The following CSMD1 variants were observed in gnomAD, a reference collection of about 807,000 sequenced individuals.
CSMD1 encodes the protein CUB and Sushi multiple domains 1, also known as CUB and sushi domain-containing protein 1.
A neutral mutation model predicts 417.5 loss-of-function variants in CSMD1; 213 were observed. The ratio of observed to expected loss-of-function variants is 0.51; its 90% CI spans 0.46 to 0.57. The LOEUF (loss-of-function observed/expected upper bound fraction) is 0.57, where lower values mean the gene tolerates loss of function less well. CSMD1 is among the 20% of genes least tolerant of loss of function. The pLI, the probability that CSMD1 is intolerant of heterozygous loss-of-function variation, is 0.00. For synonymous variants in CSMD1, 2,862 were observed against 1,736.8 expected, an observed-to-expected ratio of 1.65 and a Z score of -16.11; for missense variants, 6,923 against 4,529.7, an observed-to-expected ratio of 1.53 and a Z score of -15.17.
intron 26 of CSMD1, among the ~76,000 whole-genome samples, chr8:3,262,054 T>C (rs1343214986): frequency 6.6e-6 from 1 of 151,802 alleles, no homozygotes; most frequent in African/African-American, 2.4e-5. Flanking sequence ...TCTAAGTGGA[T>C]CTATGATTAC....
chr8:3,505,706 T>C (rs1405595532), intron 10 of CSMD1, among the ~76,000 whole-genome samples: 4 of 152,196 alleles, frequency 2.6e-5, no homozygotes, highest in Admixed American at 6.5e-5. Context: ...AACAACACTA[T>C]GAGCACTGGA....
intron 49 of CSMD1, among the ~76,000 whole-genome samples, chr8:3,074,799 T>A (rs1317911234): frequency 6.6e-6 from 1 of 152,224 alleles, no homozygotes; most frequent in Non-Finnish European, 1.5e-5. Context: ...GTATGCCATA[T>A]CATGGAAAGT....
At chr8:3,878,562 G>C (rs1011408756) in intron 5 of CSMD1, among the ~76,000 whole-genome samples, 16 of 152,088 alleles carry the variant, frequency 1.1e-4, no homozygotes, top group African/African-American at 3.4e-4. Flanking sequence ...AGGAAGTATA[G>C]AAAAAATTGC....
chr8:3,260,761 A>G (rs1451518508), intron 26 of CSMD1, among the ~76,000 whole-genome samples: 2 of 152,216 alleles, frequency 1.3e-5, no homozygotes, highest in Non-Finnish European at 2.9e-5. Context: ...ACTTGACAAC[A>G]GAAGCACAAT....
chr8:3,264,236 G>T (rs985059988), intron 26 of CSMD1, among the ~76,000 whole-genome samples: 5 of 152,150 alleles, frequency 3.3e-5, no homozygotes, highest in African/African-American at 1.2e-4. Flanking sequence ...CATTCTCTGC[G>T]AATTCACCAG....
chr8:3,538,288 T>TA (rs1798287848), intron 10 of CSMD1, among the ~76,000 whole-genome samples: 1 of 150,112 alleles, frequency 6.7e-6, no homozygotes, highest in African/African-American at 2.5e-5. Context: ...GTGCACCTGA[T>TA]ATGCTTCACC....
chr8:3,426,570 A>C (rs1813855511), intron 12 of CSMD1, among the ~76,000 whole-genome samples: 1 of 152,186 alleles, frequency 6.6e-6, no homozygotes, highest in South Asian at 2.1e-4. Context: ...GGACAGATGA[A>C]GATACAAGGC....
At chr8:3,796,605 T>C (rs967392108) in intron 5 of CSMD1, among the ~76,000 whole-genome samples, 1 of 147,566 alleles carries the variant, frequency 6.8e-6, no homozygotes, top group African/African-American at 2.5e-5. Flanking sequence ...ATATCTATAA[T>C]GTATAGATGT....
intron 10 of CSMD1, among the ~76,000 whole-genome samples, chr8:3,563,359 G>A (rs556086310): frequency 3.6e-5 from 5 of 138,608 alleles, no homozygotes; most frequent in African/African-American, 1.1e-4. Context: ...CATTACTATT[G>A]TATTTAAGTA....
intron 1 of CSMD1, among the ~76,000 whole-genome samples, chr8:4,962,880 A>C (rs1356786445): frequency 2.0e-5 from 3 of 152,220 alleles, no homozygotes; most frequent in Non-Finnish European, 4.4e-5. Flanking sequence ...CTGCCACTTA[A>C]TTCCTGTAAA....
Position 2,954,238 on chromosome 8 carries a change from A to T in CSMD1, c.10025T>A (p.Val3342Asp). The T allele has an allele frequency of 6.7e-7, 1 of 1,502,972 alleles. No individual in the cohort carries two copies. Among genetic ancestry groups the T allele is most frequent in the South Asian group, 1.2e-5 (1 of 80,368 alleles). 93.1% of individuals were successfully genotyped at this position (1,502,972 alleles called of 1,614,324 possible). A position where few individuals can be genotyped will look rare whatever the true frequency, so the allele number is the denominator to read the frequency against. Residue 3342 changes from valine (V) to aspartate (D), a missense_variant, in exon 65 of 70, where the codon GTT becomes GAT. Coordinates refer to ENST00000635120, the MANE Select transcript of CSMD1 (RefSeq NM_033225.6). ...GGTATACAAACCTGGAGTTTTAGTAACTGTTTCATTAACTTCTCTCACTCC... is the reference window on the plus strand; with the variant it reads ...GGTATACAAACCTGGAGTTTTAGTATCTGTTTCATTAACTTCTCTCACTCC... ...SKGVREVNET[V>D]TKTPVPSDVF... is the part of the protein sequence containing the mutation.
chr8:3,805,705 A>G (rs1352871149), intron 5 of CSMD1, among the ~76,000 whole-genome samples: 1 of 151,886 alleles, frequency 6.6e-6, no homozygotes, highest in Non-Finnish European at 1.5e-5. Context: ...ATTCTTTCCT[A>G]TCTTTCTTCT....
intron 7 of CSMD1, among the ~76,000 whole-genome samples, chr8:3,664,069 A>G (rs1798556962): frequency 6.6e-6 from 1 of 152,170 alleles, no homozygotes; most frequent in Admixed American, 6.5e-5. Flanking sequence ...TCTAGGGTAC[A>G]TGTGCACAAT....
chr8:3,842,295 T>G (rs965717759), intron 5 of CSMD1, among the ~76,000 whole-genome samples: 1 of 152,130 alleles, frequency 6.6e-6, no homozygotes, highest in Non-Finnish European at 1.5e-5. Flanking sequence ...TCTTTCACTT[T>G]TCATTCCAGT....
intron 2 of CSMD1, among the ~76,000 whole-genome samples, chr8:4,534,699 G>A (rs957045761): frequency 3.3e-5 from 5 of 152,042 alleles, no homozygotes; most frequent in African/African-American, 9.6e-5. Flanking sequence ...TTTGGTATTC[G>A]GTCCCTGTGT....
rs115956550 is a variant in CSMD1, at chr8:4,448,034, G to A, written c.303-27969C>T. Reference sequence around the variant, plus strand: ...AAAACTAAAAAACTAAAGTGGTTCCGCATGAGGTTTCCTGGAATATCACCC... The same window carrying A: ...AAAACTAAAAAACTAAAGTGGTTCCACATGAGGTTTCCTGGAATATCACCC... On this transcript the variant is annotated intron_variant, in intron 2 of 69. Transcript: ENST00000635120. Among the ~76,000 whole-genome samples the A allele has an allele frequency of 1.6e-3, 236 of 152,246 alleles. 1 individual carries two copies. Among genetic ancestry groups the A allele is most frequent in the African/African-American group, 5.4e-3 (226 of 41,528 alleles).
intron 3 of CSMD1, among the ~76,000 whole-genome samples, chr8:4,260,888 G>C (rs1009172334): frequency 2.0e-5 from 3 of 152,138 alleles, no homozygotes; most frequent in East Asian, 3.9e-4. Flanking sequence ...TGTCGTGTTT[G>C]ATATTATGAT....
At position 4,607,580 on chromosome 8, in the gene CSMD1, G is replaced by C. The variant is rs1350083818; in HGVS notation, c.302+29762C>G. Among the ~76,000 whole-genome samples the C allele has an allele frequency of 2.6e-5, 4 of 152,272 alleles. No individual in the cohort carries two copies. The East Asian group carries it at 5.8e-4, about 22-fold the overall frequency. On this transcript the variant is annotated intron_variant, in intron 2 of 69. Transcript: ENST00000635120. Reference sequence around the variant, plus strand: ...CAAGGACCTCATTAAATGCTCATTAGCATCCTAAACTCCATGTCCGCCAAC... The same window carrying C: ...CAAGGACCTCATTAAATGCTCATTACCATCCTAAACTCCATGTCCGCCAAC...
At chr8:3,494,561 TAGATAGATAGATAGATAGA>T (rs1350395631) in intron 10 of CSMD1, among the ~76,000 whole-genome samples, 905 of 45,910 alleles carry the variant, frequency 0.02, 4 homozygotes, top group African/African-American at 0.062. Flanking sequence ...AGATGATAGA[TAGATAGATAGATAGATAGA>T]TAGATAGATA....
Sources: allele counts gnomAD v4.1 joint callset (sites outside exome capture counted in the v4.1 genomes callset), GRCh38; gene constraint gnomAD v4.1.1; transcripts MANE v1.5; gene names NCBI Gene and HGNC (gene_info 2026-07-23, HGNC 2026-07-21).